CTSE: variants seen among roughly 807,000 people sequenced by gnomAD.
CTSE encodes erythrocyte membrane aspartic proteinase.
Under a neutral mutation model 42.8 loss-of-function variants are expected in CTSE, and 43 were observed. That is an observed-to-expected ratio of 1.01 (90% confidence interval 0.79 to 1.30). CTSE has a LOEUF of 1.30. CTSE is among the 50% of genes most tolerant of loss of function. The pLI is 0.00. For synonymous variants in CTSE, 205 were observed against 191.5 expected, an observed-to-expected ratio of 1.07 and a Z score of -0.58; for missense variants, 532 against 493.5, an observed-to-expected ratio of 1.08 and a Z score of -0.74.
At chr1:206,015,900 A>C (rs1553277630) in intron 5 of CTSE, 31 bp downstream of exon 5, 6 of 1,603,256 alleles carry the variant, frequency 3.7e-6, no homozygotes, top group Non-Finnish European at 5.1e-6. Flanking sequence ...GTTATAACTG[A>C]CTTTAACCTC....
rs368790082 is a variant in CTSE, at chr1:206,010,294, G to A, written c.1080C>T (p.Ile360=). The A allele has an allele frequency of 6.2e-7, 1 of 1,613,808 alleles. No individual in the cohort carries two copies. Among genetic ancestry groups the A allele is most frequent in the Non-Finnish European group, 8.5e-7 (1 of 1,179,844 alleles). The stretch of plus-strand genomic sequence containing the variant: ...TCCAGAGGGGCCCAGCTGGAGGGTG[G>A]ATGTCAAGTCCTTGAAAGCCACTGC... ...FCSSGFQGLD[I]HPPAGPLWIL... Residue 360 remains isoleucine (I), a synonymous_variant, in exon 9 of 9, where the codon ATC becomes ATT. Coordinates refer to ENST00000358184, the MANE Select transcript of CTSE (RefSeq NM_001910.4).
rs782689603 is a variant in CTSE at position 206,012,576 on chromosome 1, T to C, written c.859A>G (p.Ile287Val). The C allele has an allele frequency of 1.9e-6, 3 of 1,614,008 alleles. No homozygotes were observed. The highest frequency in any genetic ancestry group is 3.3e-5 in the Admixed American group (2 of 60,024). The change falls in exon 7 of 9, where the codon ATC becomes GTC. Residue 287 changes from isoleucine (I) to valine (V), a missense_variant. Transcript: ENST00000358184. ...TTAATCTTGTCGGAAGGGCCAGTGA[T>C]GAGGGAAGTCCCTGTGTCCACAATG... Reference protein sequence around the residue: ...QAIVDTGTSLITGPSDKIKQL... With the variant: ...QAIVDTGTSLVTGPSDKIKQL...
Position 206,010,297 on chromosome 1 carries a change from G to A in CTSE, c.1077C>T (p.Asp359=), listed in dbSNP as rs1183962943. ...QFCSSGFQGL[D]IHPPAGPLWI... The stretch of plus-strand genomic sequence containing the variant: ...AGAGGGGCCCAGCTGGAGGGTGGAT[G>A]TCAAGTCCTTGAAAGCCACTGCTGC... Residue 359 remains aspartate, a synonymous_variant, in exon 9 of 9, where the codon GAC becomes GAT. Coordinates refer to ENST00000358184, the MANE Select transcript of CTSE (RefSeq NM_001910.4). 5 of 1,613,722 alleles carry A rather than the reference G, an allele frequency of 3.1e-6. No individual in the cohort carries two copies. The highest frequency in any genetic ancestry group is 1.3e-5 in the African/African-American group (1 of 74,914).
At chr1:206,012,198 TG>T in intron 8 of CTSE, 109 bp downstream of exon 8, 2 of 840,722 alleles carry the variant, frequency 2.4e-6, no homozygotes, top group South Asian at 3.3e-5. Flanking sequence ...CAGAACAACG[TG>T]GGGCGGGGCT....
chr1:206,021,619 A>T (rs2102277958), intron 3 of CTSE, among the ~76,000 whole-genome samples: 1 of 152,076 alleles, frequency 6.6e-6, no homozygotes, highest in South Asian at 2.1e-4. Context: ...TGTATCGAAC[A>T]AGACATCTTT....
At chr1:206,011,648 C>T (rs1241794311) in intron 8 of CTSE, among the ~76,000 whole-genome samples, 1 of 151,980 alleles carries the variant, frequency 6.6e-6, no homozygotes, top group Non-Finnish European at 1.5e-5. Context: ...CTTAGCACCC[C>T]TCTTCTGATG....
chr1:206,023,132 C>T (rs1233710422), intron 1 of CTSE, 75 bp from the exon 2 acceptor site: 15 of 1,001,548 alleles, frequency 1.5e-5, no homozygotes, highest in Non-Finnish European at 1.3e-5. Context: ...CCCATTTTCT[C>T]AGGGGCCAAC....
At chr1:206,013,235 C>T (rs917324246) in intron 6 of CTSE, among the ~76,000 whole-genome samples, 8 of 152,128 alleles carry the variant, frequency 5.3e-5, no homozygotes, top group Admixed American at 4.6e-4. Flanking sequence ...CCAATTGCTT[C>T]GTGCCCAGAT....
In CTSE at chr1:206,023,716, C is replaced by T. The variant is rs782182653; in HGVS notation, c.68+8G>A. ...CCAGCTGAACACAGTGCGGGGACGT[C>T]TTCTCACCTGTGAAGGGATCCTTGG... On this transcript the variant is annotated splice_region_variant and intron_variant, in intron 1 of 8. Transcript: ENST00000358184. 3 of 1,613,058 alleles carry T rather than the reference C, an allele frequency of 1.9e-6. No individual in the cohort carries two copies. Among genetic ancestry groups the T allele is most frequent in the Non-Finnish European group, 2.5e-6 (3 of 1,179,264 alleles).
chr1:206,011,906 C>T (rs1661110769), intron 8 of CTSE, among the ~76,000 whole-genome samples: 2 of 152,098 alleles, frequency 1.3e-5, no homozygotes, highest in Admixed American at 6.5e-5. Context: ...TTCTCCACTC[C>T]TCCCTGCAAA....
intron 4 of CTSE, among the ~76,000 whole-genome samples, chr1:206,019,824 TGTTAATCTATTATATAATAG>T (rs1407627217): frequency 1.1e-4 from 16 of 142,678 alleles, no homozygotes; most frequent in African/African-American, 3.8e-4. Flanking sequence ...TAATATATTA[TGTTAATCTATTATATAATAG>T]GTTAATCTAT....
intron 1 of CTSE, 50 bp downstream of exon 1, chr1:206,023,674 G>T (rs1553278821): frequency 2.6e-6 from 4 of 1,549,732 alleles, no homozygotes; most frequent in Non-Finnish European, 3.6e-6. Context: ...GCCCTGAGTT[G>T]CAGGGCATGG....
chr1:206,014,522 T>C (rs898595276), intron 5 of CTSE, among the ~76,000 whole-genome samples: 15 of 151,984 alleles, frequency 9.9e-5, no homozygotes, highest in Non-Finnish European at 2.1e-4. Context: ...GAGGAGTGAA[T>C]ACCTGTAGGA....
chr1:206,010,187 G>C lies in CTSE; in HGVS notation c.1187C>G (p.Pro396Arg). Reference protein sequence around the residue: ...NNRVGLAPAVP With the variant: ...NNRVGLAPAVR Reference sequence around the variant, plus strand: ...GCACAGACACAAGGCCCCTCCTTAGGGGACTGCTGGGGCCAGTCCCACACG... The same window carrying C: ...GCACAGACACAAGGCCCCTCCTTAGCGGACTGCTGGGGCCAGTCCCACACG... Residue 396 changes from proline (P) to arginine (R), a missense_variant, in exon 9 of 9, where the codon CCC (proline) becomes CGC (arginine). Physicochemically the swap from Pro to Arg is moderately radical, Grantham distance 103 (BLOSUM62 -2). Transcript: ENST00000358184. 6.2e-7 allele frequency: 1 copy of C among 1,613,646 alleles called. No individual in the cohort carries two copies. The highest frequency in any genetic ancestry group is 8.5e-7 in the Non-Finnish European group (1 of 1,179,804).
rs782110145 is a variant in CTSE at position 206,020,675 on chromosome 1, C to G, written c.462+374G>C. Among the ~76,000 whole-genome samples, 10 of 151,980 alleles carry G rather than the reference C, an allele frequency of 6.6e-5. 1 individual carries two copies. The highest frequency in any genetic ancestry group is 1.5e-4 in the Non-Finnish European group (10 of 67,978). On this transcript the variant is annotated intron_variant, in intron 4 of 8. Transcript: ENST00000358184. ...ATTGGACTCCCATTTCAGACCTTGC[C>G]CCCTTATGTTACTGAGTCCAAATCT...
At chr1:206,021,957 T>C (rs1661441602) in intron 3 of CTSE, among the ~76,000 whole-genome samples, 193 bp downstream of exon 3, 1 of 152,112 alleles carries the variant, frequency 6.6e-6, no homozygotes, top group African/African-American at 2.4e-5. Context: ...CAGCCACATT[T>C]TAGTTCTTCC....
chr1:206,021,007 A>T, intron 4 of CTSE, 42 bp downstream of exon 4: 1 of 1,416,544 alleles, frequency 7.1e-7, no homozygotes, highest in Non-Finnish European at 1.0e-6. Flanking sequence ...AAGTCTCCCA[A>T]GTTTCTGTCC....
chr1:206,011,529 G>A (rs1553276933), intron 8 of CTSE, among the ~76,000 whole-genome samples: 1 of 152,068 alleles, frequency 6.6e-6, no homozygotes, highest in East Asian at 1.9e-4. Context: ...GACTTACCAT[G>A]AAGCTGTGTT....
In CTSE at chr1:206,009,903, AT is replaced by A; in HGVS notation, c.*279del. On this transcript the variant is annotated 3_prime_UTR_variant, in exon 9 of 9. Coordinates refer to ENST00000358184, the MANE Select transcript of CTSE (RefSeq NM_001910.4). ...GAGATTTTCATAATCAAATGTGAAA[AT>A]TTTTGATTTTCATAATCAAAAATCA... 2.3e-6 allele frequency: 1 copy of A among 426,988 alleles called. No individual in the cohort carries two copies. Among genetic ancestry groups the A allele is most frequent in the Non-Finnish European group, 4.3e-6 (1 of 233,490 alleles). The allele number at this position is 426,988 out of a possible 1,614,324, so 26.4% of individuals were successfully genotyped here. A position where few individuals can be genotyped will look rare whatever the true frequency, so the allele number is the denominator to read the frequency against.
Sources: gnomAD v4.1 joint callset for allele counts (sites outside exome capture counted in the v4.1 genomes callset) on GRCh38, gnomAD v4.1.1 for gene constraint, MANE v1.5 for transcripts, NCBI Gene and HGNC (gene_info 2026-07-23, HGNC 2026-07-21) for gene names.